The following TTC6 variants were observed in gnomAD, a reference collection of about 807,000 sequenced individuals.
TTC6 encodes tetratricopeptide repeat domain 6.
In TTC6, 172 loss-of-function variants were observed where a neutral mutation model predicts 210.4. The observed-to-expected ratio is 0.82, with a 90% confidence interval of 0.72 to 0.93. The LOEUF is 0.93. Among genes scored for constraint, TTC6 ranks in the 40% least tolerant of loss-of-function variants. TTC6 has a pLI of 0.00. For missense variants in TTC6, 2,414 were observed against 2,318.1 expected (o/e 1.04, Z -0.85); for synonymous variants, 804 against 819.6 (o/e 0.98, Z 0.32).
At chr14:37,702,077 A>C (rs1272909873) in intron 5 of TTC6, among the ~76,000 whole-genome samples, 1 of 152,162 alleles carries the variant, frequency 6.6e-6, no homozygotes, top group Non-Finnish European at 1.5e-5. Context: ...GAGAAAAGGG[A>C]AGGAACCTAA....
intron 1 of TTC6, among the ~76,000 whole-genome samples, chr14:37,623,816 A>G (rs1005333546): frequency 1.6e-4 from 24 of 152,232 alleles, no homozygotes; most frequent in Non-Finnish European, 2.5e-4. Flanking sequence ...AAGCTAAGCT[A>G]GATGGGGTCA....
At chr14:37,607,270 G>T (rs941184013) in intron 2 of TTC6, among the ~76,000 whole-genome samples, 1 of 152,162 alleles carries the variant, frequency 6.6e-6, no homozygotes, top group Non-Finnish European at 1.5e-5. Context: ...AGTGACCGAG[G>T]GGCTCATGGG....
In TTC6 at chr14:37,685,064, T is replaced by C. The variant is rs183118120; in HGVS notation, c.1257+2100T>C. 2.5e-3 allele frequency among the ~76,000 whole-genome samples: 386 copies of C among 152,276 alleles called. 1 individual carries two copies. The highest frequency in any genetic ancestry group is 4.7e-3 in the Non-Finnish European group (320 of 68,028). The stretch of plus-strand genomic sequence containing the variant: ...GTGATTGGTATTTTTGTCTAAATCA[T>C]GACGAACAAAAGAAAGTTAGATAGA... On this transcript the variant is annotated intron_variant, in intron 3 of 30. Coordinates refer to ENST00000553443, the Ensembl canonical transcript of TTC6.
At chr14:37,662,951 A>G (rs554345141) in intron 1 of TTC6, among the ~76,000 whole-genome samples, 3 of 152,166 alleles carry the variant, frequency 2.0e-5, no homozygotes, top group Non-Finnish European at 4.4e-5. Context: ...TGATAGTCAT[A>G]CCATTGAATC....
chr14:37,790,924 CATT>C (rs1208119912), intron 16 of TTC6, 87 bp downstream of exon 18: 4 of 1,122,176 alleles, frequency 3.6e-6, no homozygotes, highest in African/African-American at 1.6e-5. Flanking sequence ...TTCCCCTCAT[CATT>C]GATAACCTAG....
chr14:37,622,362 C>T, exon 1 of TTC6: 4 of 1,530,700 alleles, frequency 2.6e-6, no homozygotes, highest in Non-Finnish European at 3.5e-6. Flanking sequence ...CGCGCCGCGT[C>T]CCTCGGGCCT....
intron 15 of TTC6, among the ~76,000 whole-genome samples, chr14:37,788,800 A>G (rs2096073245): frequency 6.6e-6 from 1 of 152,132 alleles, no homozygotes; most frequent in African/African-American, 2.4e-5. Flanking sequence ...TCAGAGGATA[A>G]ATTTAGCACA....
chr14:37,833,186 C>G (rs2096190013), intron 29 of TTC6, among the ~76,000 whole-genome samples: 2 of 152,050 alleles, frequency 1.3e-5, no homozygotes, highest in Admixed American at 1.3e-4. Flanking sequence ...TCTAGATAAT[C>G]TGTCCAATGC....
Position 37,737,743 on chromosome 14 carries a change from ATTTTACAG to A in TTC6, c.1983+14_1983+21del, listed in dbSNP as rs2095905655. 6.9e-7 allele frequency: 1 copy of A among 1,449,484 alleles called. No homozygotes were observed. Among genetic ancestry groups the A allele is most frequent in the African/African-American group, 1.4e-5 (1 of 70,554 alleles). 89.8% of individuals were successfully genotyped at this position (1,449,484 alleles called of 1,614,324 possible). On this transcript the variant is annotated intron_variant, in intron 9 of 30. Transcript: ENST00000553443. ...AACCTACACAACTAAGGGTATTATAATTTTACAGTTTTTACTCTCTAAAAGAAACATTT... is the reference window on the plus strand; with the variant it reads ...AACCTACACAACTAAGGGTATTATAATTTTTACTCTCTAAAAGAAACATTT...
intron 14 of TTC6, among the ~76,000 whole-genome samples, chr14:37,756,500 T>C (rs2095968261): frequency 6.6e-6 from 1 of 152,238 alleles, no homozygotes; most frequent in South Asian, 2.1e-4. Flanking sequence ...TAAATAGTTC[T>C]TATTATTTTG....
chr14:37,726,905 T>C (rs548226012), intron 7 of TTC6, among the ~76,000 whole-genome samples: 1 of 152,230 alleles, frequency 6.6e-6, no homozygotes, highest in East Asian at 1.9e-4. Flanking sequence ...CTTTCTAATA[T>C]TGCATCATTT....
At chr14:37,607,749 C>T (rs1175866807) in intron 2 of TTC6, among the ~76,000 whole-genome samples, 2 of 151,890 alleles carry the variant, frequency 1.3e-5, no homozygotes, top group South Asian at 2.1e-4. Flanking sequence ...CCACCTCAGC[C>T]CCAAGGTAGC....
intron 3 of TTC6, among the ~76,000 whole-genome samples, chr14:37,690,115 T>C (rs987449169): frequency 6.6e-6 from 1 of 152,134 alleles, no homozygotes; most frequent in Admixed American, 6.5e-5. Context: ...TTCTGCTTGC[T>C]TGTTTGTGTG....
chr14:37,653,813 T>TA (rs2095717159), intron 1 of TTC6, among the ~76,000 whole-genome samples: 1 of 152,220 alleles, frequency 6.6e-6, no homozygotes, highest in African/African-American at 2.4e-5. Flanking sequence ...CTTGTCAACT[T>TA]ATTCATATTT....
At chr14:37,699,102 C>T (rs2095820009) in intron 4 of TTC6, among the ~76,000 whole-genome samples, 1 of 152,096 alleles carries the variant, frequency 6.6e-6, no homozygotes, top group Non-Finnish European at 1.5e-5. Context: ...AGTAGAGCAA[C>T]TTACAAAAAG....
At chr14:37,776,043 C>CTTTTTTTT (rs1163694975) in intron 14 of TTC6, among the ~76,000 whole-genome samples, 3 of 26,270 alleles carry the variant, frequency 1.1e-4, no homozygotes, top group African/African-American at 1.1e-4. Flanking sequence ...GGTCTTGATT[C>CTTTTTTTT]TTTTTTTTTT....
chr14:37,790,974 G>A, intron 16 of TTC6, 137 bp downstream of exon 18: 1 of 705,386 alleles, frequency 1.4e-6, no homozygotes, highest in Non-Finnish European at 2.2e-6. Flanking sequence ...CCTAGAATTA[G>A]AATACTACTT....
chr14:37,635,126 A>T (rs1197452877), intron 1 of TTC6, among the ~76,000 whole-genome samples: 1 of 152,202 alleles, frequency 6.6e-6, no homozygotes, highest in Non-Finnish European at 1.5e-5. Context: ...GAATTATAAC[A>T]CTGTCTGATG....
chr14:37,606,849 A>G (rs2095626080), intron 2 of TTC6, 107 bp downstream of exon 2: 1 of 906,704 alleles, frequency 1.1e-6, no homozygotes, highest in Non-Finnish European at 1.3e-6. Context: ...AGGCTCCAGG[A>G]TTTCTGTGGT....
Sources: allele counts gnomAD v4.1 joint callset (sites outside exome capture counted in the v4.1 genomes callset), GRCh38; gene constraint gnomAD v4.1.1; transcripts MANE v1.5; gene names NCBI Gene and HGNC (gene_info 2026-07-23, HGNC 2026-07-21).